Variants in MAK observed in about 807,000 individuals in gnomAD.
MAK encodes the protein male germ cell associated kinase.
Under a neutral mutation model 82.6 loss-of-function variants are expected in MAK, and 65 were observed. That is an observed-to-expected ratio of 0.79 (90% CI 0.64 to 0.97). The LOEUF is 0.97. MAK is among the 50% of genes least tolerant of loss of function. The pLI is 0.00. For missense variants in MAK, 703 were observed against 780.2 expected (o/e 0.90, Z 1.18); for synonymous variants, 250 against 274.2 (o/e 0.91, Z 0.87).
intron 11 of MAK, among the ~76,000 whole-genome samples, chr6:10,781,106 T>TG (rs1420631215): frequency 6.6e-6 from 1 of 152,156 alleles, no homozygotes; most frequent in African/African-American, 2.4e-5. Context: ...CACGCAAACC[T>TG]GCTCGGAGCA....
In MAK at chr6:10,813,708, A is replaced by G. The variant is rs1777241227; in HGVS notation, c.294T>C (p.Pro98=). The G allele has an allele frequency of 6.3e-7, 1 of 1,595,302 alleles. No homozygotes were observed. The highest frequency in any genetic ancestry group is 8.6e-7 in the Non-Finnish European group (1 of 1,163,088). ...ACATAATATTTCTGATGACTGATTC[A>G]GGGAACAACTTGTTTCTGTAAAGAA... ...QLMKDRNKLF[P]ESVIRNIMYQ... Residue 98 remains proline, a synonymous_variant, in exon 5 of 15, where the codon CCT becomes CCC. Coordinates refer to ENST00000354489, the MANE Select transcript of MAK (RefSeq NM_001242957.3).
At chr6:10,799,899 T>G (rs917021427) in intron 8 of MAK, among the ~76,000 whole-genome samples, 2 of 151,962 alleles carry the variant, frequency 1.3e-5, no homozygotes, top group Non-Finnish European at 2.9e-5. Context: ...AATACAAAAA[T>G]TAGCCAGGTG....
intron 14 of MAK, among the ~76,000 whole-genome samples, chr6:10,769,548 C>T (rs1581637158): frequency 6.6e-6 from 1 of 152,224 alleles, no homozygotes; most frequent in South Asian, 2.1e-4. Flanking sequence ...AGTCCTGCCA[C>T]CGCTAATTTC....
chr6:10,830,122 C>T (rs1778677993), intron 2 of MAK, among the ~76,000 whole-genome samples: 1 of 101,026 alleles, frequency 9.9e-6, no homozygotes, highest in African/African-American at 3.7e-5. Context: ...AGCCTGTGTG[C>T]ACGTGTGTGT....
chr6:10,827,266 C>T (rs543035326), intron 2 of MAK, among the ~76,000 whole-genome samples: 34 of 152,270 alleles, frequency 2.2e-4, no homozygotes, highest in African/African-American at 8.2e-4. Context: ...TTCTGATTCG[C>T]CTACCCTCCT....
chr6:10,770,181 G>A lies in MAK; in HGVS notation c.1722C>T (p.Ser574=), dbSNP rs775561335. 1 of 1,614,084 alleles carries A rather than the reference G, an allele frequency of 6.2e-7. No individual in the cohort carries two copies. Among genetic ancestry groups the A allele is most frequent in the South Asian group, 1.1e-5 (1 of 91,082 alleles). ...CTGACTGCACTTCTTTTTTGAGAAAGGAAGGAATATATCCTGACTGATTGT... is the reference window on the plus strand; with the variant it reads ...CTGACTGCACTTCTTTTTTGAGAAAAGAAGGAATATATCCTGACTGATTGT... The part of the protein sequence containing the change: ...ATYNQSGYIP[S]FLKKEVQSAG... Residue 574 remains serine, a synonymous_variant, in exon 14 of 15, where the codon TCC becomes TCT. Coordinates refer to ENST00000354489, the MANE Select transcript of MAK (RefSeq NM_001242957.3).
At chr6:10,820,651 T>C (rs1162690301) in intron 2 of MAK, among the ~76,000 whole-genome samples, 2 of 152,220 alleles carry the variant, frequency 1.3e-5, no homozygotes, top group Non-Finnish European at 2.9e-5. Flanking sequence ...CTCAAGGGCA[T>C]CACTGCTATT....
intron 5 of MAK, among the ~76,000 whole-genome samples, chr6:10,811,464 C>G (rs1213990287): frequency 6.6e-6 from 1 of 152,252 alleles, no homozygotes; most frequent in East Asian, 1.9e-4. Flanking sequence ...CATGTTATTT[C>G]TTTCAGTCAC....
chr6:10,812,276 C>T (rs527769570), intron 5 of MAK, among the ~76,000 whole-genome samples: 80 of 152,204 alleles, frequency 5.3e-4, no homozygotes, highest in Non-Finnish European at 9.6e-4. Flanking sequence ...TTTCCAGTGC[C>T]TATGTTCAGA....
chr6:10,796,412 C>T, intron 8 of MAK, 103 bp from the exon 9 acceptor site: 1 of 890,990 alleles, frequency 1.1e-6, no homozygotes, highest in Middle Eastern at 3.2e-4. Flanking sequence ...CATTAGCCCA[C>T]ATGAGCTTCA....
chr6:10,790,747 G>A (rs1438972297), intron 10 of MAK, among the ~76,000 whole-genome samples: 1 of 152,180 alleles, frequency 6.6e-6, no homozygotes, highest in Non-Finnish European at 1.5e-5. Flanking sequence ...CCTCTGATAC[G>A]TTTTGGACAT....
chr6:10,769,979 CAAAAAG>C, intron 14 of MAK, 126 bp downstream of exon 14: 1 of 1,543,300 alleles, frequency 6.5e-7, no homozygotes. Context: ...TCGGTAAAAA[CAAAAAG>C]AAATGCGTTA....
At chr6:10,783,942 C>T in intron 11 of MAK, among the ~76,000 whole-genome samples, 1 of 152,074 alleles carries the variant, frequency 6.6e-6, no homozygotes, top group East Asian at 1.9e-4. Context: ...TGGCTTAAAC[C>T]TGGGAGGTGG....
chr6:10,811,235 G>A (rs533264194), intron 5 of MAK, among the ~76,000 whole-genome samples: 1 of 152,244 alleles, frequency 6.6e-6, no homozygotes, highest in African/African-American at 2.4e-5. Context: ...CTCACCTCAA[G>A]TGATCCGCCT....
intron 10 of MAK, among the ~76,000 whole-genome samples, chr6:10,789,236 C>A (rs1295914585): frequency 2.6e-5 from 4 of 151,962 alleles, no homozygotes; most frequent in Admixed American, 2.6e-4. Flanking sequence ...GTGAAGACTT[C>A]CATACTATAC....
chr6:10,789,338 G>T (rs1774878209), intron 10 of MAK, among the ~76,000 whole-genome samples: 1 of 152,040 alleles, frequency 6.6e-6, no homozygotes, highest in South Asian at 2.1e-4. Flanking sequence ...GAGCATTTTA[G>T]TATATTTGAA....
intron 1 of MAK, among the ~76,000 whole-genome samples, chr6:10,836,915 T>C (rs924929719): frequency 4.6e-5 from 7 of 152,230 alleles, no homozygotes; most frequent in African/African-American, 1.7e-4. Context: ...ATAATTTATC[T>C]CTCATTCTAG....
In MAK at chr6:10,764,655, A is replaced by G. The variant is rs556881681; in HGVS notation, c.1793-49T>C. ...ACAGGGTTTTACTCATTTGCTTATC[A>G]AACTCAAAATAAAGAAATTCATCCT... is the stretch of plus-strand genomic sequence containing the variant. On this transcript the variant is annotated intron_variant, in intron 14 of 14. Coordinates refer to ENST00000354489, the MANE Select transcript of MAK (RefSeq NM_001242957.3). 33 of 1,535,962 alleles carry G rather than the reference A, an allele frequency of 2.1e-5. No homozygotes were observed. In the East Asian group the frequency reaches 7.0e-4, roughly 32 times the overall value.
intron 2 of MAK, 84 bp downstream of exon 2, chr6:10,830,464 G>A: frequency 8.6e-7 from 1 of 1,163,930 alleles, no homozygotes; most frequent in Non-Finnish European, 1.3e-6. Context: ...GCGCTGGCCT[G>A]TGCTGGTATA....
Sources: gnomAD v4.1 joint callset for allele counts (sites outside exome capture counted in the v4.1 genomes callset) on GRCh38, gnomAD v4.1.1 for gene constraint, MANE v1.5 for transcripts, NCBI Gene and HGNC (gene_info 2026-07-23, HGNC 2026-07-21) for gene names.